Variants in ADH1C observed in about 807,000 individuals in gnomAD.
The protein encoded by ADH1C is alcohol dehydrogenase 1C.
A neutral mutation model predicts 35.0 loss-of-function variants in ADH1C; 26 were observed. The observed-to-expected ratio is 0.74, with a 90% confidence interval of 0.54 to 1.03. ADH1C has a LOEUF of 1.03. ADH1C is among the 50% of genes least tolerant of loss of function. The pLI, the probability that ADH1C is intolerant of heterozygous loss-of-function variation, is 0.00. For missense variants in ADH1C, 413 were observed against 465.4 expected, an observed-to-expected ratio of 0.89 and a Z score of 1.04; for synonymous variants, 170 against 169.3, an observed-to-expected ratio of 1.00 and a Z score of -0.03.
intron 8 of ADH1C, among the ~76,000 whole-genome samples, chr4:99,338,886 T>C (rs1734347461): frequency 6.6e-6 from 1 of 151,784 alleles, no homozygotes; most frequent in Non-Finnish European, 1.5e-5. Context: ...CTCATATAAA[T>C]GCAAGTGACA....
chr4:99,346,818 A>T (rs1391398667), intron 3 of ADH1C, among the ~76,000 whole-genome samples, 188 bp downstream of exon 3: 1 of 152,118 alleles, frequency 6.6e-6, no homozygotes, highest in Non-Finnish European at 1.5e-5. Context: ...GAATACACGC[A>T]TGCCTGCCTG....
In ADH1C at chr4:99,342,979, G is replaced by A. The variant is rs1734451329; in HGVS notation, c.644C>T (p.Ala215Val). 6.2e-7 allele frequency: 1 copy of A among 1,614,074 alleles called. No homozygotes were observed. Reference protein sequence around the residue: ...GLSVVMGCKAAGAARIIAVDI... With the variant: ...GLSVVMGCKAVGAARIIAVDI... ...CACAGCAATGATTCTGGCTGCTCCA[G>A]CTGCTTTACAGCCCATAACAACAGA... Residue 215 changes from alanine (A) to valine (V), a missense_variant, in exon 6 of 9, where the codon GCT becomes GTT. By Grantham distance (64) the Ala-to-Val change is moderately conservative. Transcript: ENST00000515683.
intron 6 of ADH1C, among the ~76,000 whole-genome samples, chr4:99,342,009 T>TC (rs1734425773): frequency 6.2e-4 from 11 of 17,618 alleles, no homozygotes; most frequent in South Asian, 2.2e-3. Context: ...AGACCCTGTC[T>TC]CAAAAAAAAA....
chr4:99,336,644 T>G lies in ADH1C; in HGVS notation c.*108A>C. On this transcript the variant is annotated 3_prime_UTR_variant, in exon 9 of 9. Transcript: ENST00000515683. Reference sequence around the variant, plus strand: ...GGAAAGCTCCCACGTGTAATTTATTTTTAACATCTCTGAAGAGCAGAATTA... The same window carrying G: ...GGAAAGCTCCCACGTGTAATTTATTGTTAACATCTCTGAAGAGCAGAATTA... The G allele has an allele frequency of 7.3e-7, 1 of 1,374,166 alleles. No homozygotes were observed. The highest frequency in any genetic ancestry group is 1.2e-5 in the South Asian group (1 of 80,322). The allele number at this position is 1,374,166 out of a possible 1,614,324, so 85.1% of individuals were successfully genotyped here.
At chr4:99,345,138 G>A (rs1429060170) in intron 4 of ADH1C, 41 bp downstream of exon 4, 1 of 1,613,620 alleles carries the variant, frequency 6.2e-7, no homozygotes, top group Non-Finnish European at 8.5e-7. Flanking sequence ...TAACTAATGT[G>A]CAAACTCAAA....
chr4:99,336,700 T>C lies in ADH1C; in HGVS notation c.*52A>G. The C allele has an allele frequency of 1.3e-6, 2 of 1,594,364 alleles. No homozygotes were observed. Among genetic ancestry groups the C allele is most frequent in the African/African-American group, 1.3e-5 (1 of 74,546 alleles). ...ATTTCCTAGCTGTTGCTCCAGATCA[T>C]GTAGGGTAGAGGAGGCTGAAAACTG... On this transcript the variant is annotated 3_prime_UTR_variant, in exon 9 of 9. Transcript: ENST00000515683.
At chr4:99,352,637 A>C in intron 1 of ADH1C, 21 bp downstream of exon 1, 2 of 1,582,840 alleles carry the variant, frequency 1.3e-6, no homozygotes, top group African/African-American at 1.3e-5. Flanking sequence ...TATTATCAAC[A>C]GTAATATATT....
intron 5 of ADH1C, among the ~76,000 whole-genome samples, chr4:99,343,748 C>G (rs1734466676): frequency 6.6e-6 from 1 of 151,934 alleles, no homozygotes; most frequent in Non-Finnish European, 1.5e-5. Context: ...CTTAGACTAC[C>G]CATTAAAATA....
rs374241840 is a variant in ADH1C, at chr4:99,347,082, G to A, written c.183C>T (p.Pro61=). The change falls in exon 3 of 9, where the codon CCC becomes CCT. Residue 61 remains proline (P), a synonymous_variant. Transcript: ENST00000515683. ...CCTCATGGCCTAAAATCACAGGAAG[G>A]GGGGTCACCAGGTTGCCACTAACCA... The part of the protein sequence containing the change: ...EHVVSGNLVT[P]LPVILGHEAA... The A allele has an allele frequency of 6.2e-7, 1 of 1,614,106 alleles. No individual in the cohort carries two copies. The highest frequency in any genetic ancestry group is 8.5e-7 in the Non-Finnish European group (1 of 1,180,014).
At chr4:99,343,378 T>C (rs1734460022) in intron 5 of ADH1C, among the ~76,000 whole-genome samples, 1 of 152,196 alleles carries the variant, frequency 6.6e-6, no homozygotes, top group South Asian at 2.1e-4. Flanking sequence ...TGGGTCAGGC[T>C]GGGAACCAGG....
intron 8 of ADH1C, among the ~76,000 whole-genome samples, chr4:99,339,287 A>C (rs746884591): frequency 9.9e-5 from 15 of 152,160 alleles, no homozygotes; most frequent in Non-Finnish European, 1.9e-4. Context: ...ATGGGGGCCA[A>C]AGTGAGTGTT....
rs1355645915 is a variant in ADH1C, at chr4:99,340,536, A to C, written c.964+39T>G. ...CACTCATAAAAGGAGAGAAATTCTTAGGTTAATGAGAATTTGGCTCTGAAG... is the reference window on the plus strand; with the variant it reads ...CACTCATAAAAGGAGAGAAATTCTTCGGTTAATGAGAATTTGGCTCTGAAG... On this transcript the variant is annotated intron_variant, in intron 7 of 8. Transcript: ENST00000515683. 1.9e-6 allele frequency: 3 copies of C among 1,608,796 alleles called. No individual in the cohort carries two copies. The African/African-American group carries it at 4.0e-5, about 22-fold the overall frequency.
chr4:99,339,836 G>T, intron 7 of ADH1C, 121 bp from the exon 8 acceptor site: 1 of 947,224 alleles, frequency 1.1e-6, no homozygotes, highest in Non-Finnish European at 1.6e-6. Context: ...CTATAACTGA[G>T]GATAATAAGA....
At chr4:99,346,236 T>C (rs1406643770) in intron 3 of ADH1C, among the ~76,000 whole-genome samples, 1 of 152,110 alleles carries the variant, frequency 6.6e-6, no homozygotes, top group Non-Finnish European at 1.5e-5. Context: ...ATGGGTAAAG[T>C]TCATATGAAA....
At chr4:99,339,854 T>A in intron 7 of ADH1C, 139 bp from the exon 8 acceptor site, 1 of 780,638 alleles carries the variant, frequency 1.3e-6, no homozygotes, top group Non-Finnish European at 2.0e-6. Context: ...AGAGATAGAG[T>A]ACTTCAATAT....
At chr4:99,337,269 A>G (rs889508632) in intron 8 of ADH1C, among the ~76,000 whole-genome samples, 35 of 151,970 alleles carry the variant, frequency 2.3e-4, no homozygotes, top group African/African-American at 8.2e-4. Flanking sequence ...CTCTGGTCGC[A>G]CATCTAGTAT....
chr4:99,351,246 T>C (rs1734672325), intron 1 of ADH1C: 3 of 152,354 alleles, frequency 2.0e-5, no homozygotes, highest in East Asian at 1.9e-4. Context: ...CTAATATTTA[T>C]TGACTTATTT....
chr4:99,339,846 A>T (rs913342099), intron 7 of ADH1C, 131 bp from the exon 8 acceptor site: 5 of 853,554 alleles, frequency 5.9e-6, no homozygotes, highest in African/African-American at 3.5e-5. Flanking sequence ...GGATAATAAG[A>T]GATAGAGTAC....
At chr4:99,348,043 C>A (rs1323491818) in intron 1 of ADH1C, among the ~76,000 whole-genome samples, 197 bp from the exon 2 acceptor site, 1 of 151,992 alleles carries the variant, frequency 6.6e-6, no homozygotes, top group Non-Finnish European at 1.5e-5. Context: ...GAAAGATAAA[C>A]AGAGTTAAGT....
Sources: gnomAD v4.1 joint callset for allele counts (sites outside exome capture counted in the v4.1 genomes callset) on GRCh38, gnomAD v4.1.1 for gene constraint, MANE v1.5 for transcripts, NCBI Gene and HGNC (gene_info 2026-07-23, HGNC 2026-07-21) for gene names.